BRINP3: variants seen among roughly 807,000 people sequenced by gnomAD.
BRINP3 encodes the protein BMP/retinoic acid inducible neural specific 3.
Under a neutral mutation model 71.0 loss-of-function variants are expected in BRINP3, and 19 were observed. That is an observed-to-expected ratio of 0.27 (90% CI 0.19 to 0.39). The LOEUF (loss-of-function observed/expected upper bound fraction) is 0.39, where lower values mean the gene tolerates loss of function less well. Ranked by LOEUF, BRINP3 falls within the 10% of genes least tolerant of loss-of-function variation. BRINP3 has a pLI of 1.00. For missense variants in BRINP3, 959 were observed against 940.8 expected, an observed-to-expected ratio of 1.02 and a Z score of -0.25; for synonymous variants, 380 against 337.7, an observed-to-expected ratio of 1.13 and a Z score of -1.37.
At chr1:190,464,185 A>G (rs369080557) in intron 1 of BRINP3, among the ~76,000 whole-genome samples, 3 of 151,942 alleles carry the variant, frequency 2.0e-5, no homozygotes, top group African/African-American at 4.8e-5. Flanking sequence ...ATAATCCTTA[A>G]AGAAAAATGG....
intron 6 of BRINP3, among the ~76,000 whole-genome samples, chr1:190,171,230 G>A (rs974906557): frequency 2.6e-5 from 4 of 152,118 alleles, no homozygotes; most frequent in Non-Finnish European, 5.9e-5. Context: ...CAGCATACAT[G>A]CACAAGCATA....
At chr1:190,351,128 T>C (rs537432750) in intron 2 of BRINP3, among the ~76,000 whole-genome samples, 2 of 152,118 alleles carry the variant, frequency 1.3e-5, no homozygotes, top group African/African-American at 4.8e-5. Flanking sequence ...TTTTGGTATT[T>C]TAGTTTTTCC....
chr1:190,351,674 G>C (rs1419130225), intron 2 of BRINP3, among the ~76,000 whole-genome samples: 1 of 151,928 alleles, frequency 6.6e-6, no homozygotes, highest in Non-Finnish European at 1.5e-5. Context: ...CAGAACTAAG[G>C]TTTCTATTAA....
At chr1:190,398,326 T>G (rs1004071467) in intron 2 of BRINP3, among the ~76,000 whole-genome samples, 1 of 151,988 alleles carries the variant, frequency 6.6e-6, no homozygotes, top group Non-Finnish European at 1.5e-5. Context: ...CATATCTGAT[T>G]AACAGGAAGC....
chr1:190,363,366 A>C (rs1182981), intron 2 of BRINP3, among the ~76,000 whole-genome samples: 114,459 of 152,048 alleles, frequency 0.75, 43,295 homozygotes, highest in Non-Finnish European at 0.79. Context: ...AACTCCTGAC[A>C]CGCAGAAATA....
intron 2 of BRINP3, among the ~76,000 whole-genome samples, chr1:190,384,128 A>T (rs985916116): frequency 6.6e-6 from 1 of 151,636 alleles, no homozygotes; most frequent in African/African-American, 2.4e-5. Flanking sequence ...TAATAATGAG[A>T]TAATATTGGC....
chr1:190,250,466 C>G (rs954953941), intron 4 of BRINP3, among the ~76,000 whole-genome samples: 1 of 151,886 alleles, frequency 6.6e-6, no homozygotes, highest in African/African-American at 2.4e-5. Flanking sequence ...TGCTGTAGTA[C>G]TTTTGGGTCT....
intron 2 of BRINP3, among the ~76,000 whole-genome samples, chr1:190,390,021 G>C (rs1248713896): frequency 1.3e-5 from 2 of 151,786 alleles, no homozygotes; most frequent in Non-Finnish European, 2.9e-5. Flanking sequence ...GTAAACTGAT[G>C]AGACTTTTCC....
intron 6 of BRINP3, among the ~76,000 whole-genome samples, chr1:190,198,545 A>T (rs758435594): frequency 1.8e-4 from 28 of 152,198 alleles, no homozygotes; most frequent in Admixed American, 8.5e-4. Context: ...TGCTGTTTAA[A>T]AACACACCAG....
intron 4 of BRINP3, among the ~76,000 whole-genome samples, chr1:190,244,785 TGTA>T (rs1341039119): frequency 6.6e-6 from 1 of 152,080 alleles, no homozygotes; most frequent in East Asian, 1.9e-4. Context: ...TCCTACTCAA[TGTA>T]GGAGCCAGTA....
intron 6 of BRINP3, among the ~76,000 whole-genome samples, chr1:190,197,524 C>T (rs1654597165): frequency 6.6e-6 from 1 of 152,184 alleles, no homozygotes; most frequent in African/African-American, 2.4e-5. Context: ...GTAAATACAG[C>T]CATTCCAAAT....
rs1312651292 is a variant in BRINP3 at position 190,219,415 on chromosome 1, T to TA, written c.961+6666dup. Among the ~76,000 whole-genome samples, 4 of 151,928 alleles carry TA rather than the reference T, an allele frequency of 2.6e-5. No homozygotes were observed. In the South Asian group the frequency reaches 6.2e-4, roughly 24 times the overall value. On this transcript the variant is annotated intron_variant, in intron 6 of 7. Coordinates refer to ENST00000367462, the MANE Select transcript of BRINP3 (RefSeq NM_199051.3). ...AAATTTAACAAAGATATTAAAATAA[T>TA]AAAAAATCAAACAGAAATCATGGAA...
At chr1:190,233,867 A>G (rs544282731) in intron 5 of BRINP3, among the ~76,000 whole-genome samples, 10 of 152,332 alleles carry the variant, frequency 6.6e-5, no homozygotes, top group South Asian at 2.1e-4. Context: ...TATAAAATCT[A>G]TCTTTAAAAT....
chr1:190,265,327 A>C (rs1269812055), intron 3 of BRINP3, among the ~76,000 whole-genome samples: 2 of 151,978 alleles, frequency 1.3e-5, no homozygotes, highest in African/African-American at 4.8e-5. Context: ...CTTTCTAACA[A>C]AGTTTAGCAT....
chr1:190,216,466 G>T (rs1346752078), intron 6 of BRINP3, among the ~76,000 whole-genome samples: 1 of 151,684 alleles, frequency 6.6e-6, no homozygotes, highest in East Asian at 1.9e-4. Context: ...GAGATAAATT[G>T]ATTTCTATAA....
intron 6 of BRINP3, among the ~76,000 whole-genome samples, chr1:190,205,510 G>T (rs1655419285): frequency 6.6e-6 from 1 of 152,026 alleles, no homozygotes; most frequent in Non-Finnish European, 1.5e-5. Flanking sequence ...TGGGAGTTGG[G>T]CAAAAGGTGC....
intron 2 of BRINP3, among the ~76,000 whole-genome samples, chr1:190,352,367 G>C (rs1210968726): frequency 6.6e-6 from 1 of 151,810 alleles, no homozygotes; most frequent in Non-Finnish European, 1.5e-5. Flanking sequence ...AAATGCGAAG[G>C]GTAAATACTA....
chr1:190,412,466 GTTTTTTTTT>G (rs1216884351), intron 2 of BRINP3, among the ~76,000 whole-genome samples: 13 of 105,984 alleles, frequency 1.2e-4, no homozygotes, highest in Admixed American at 3.9e-4. Flanking sequence ...GTTTTTTTTT[GTTTTTTTTT>G]TTTTTGAGAC....
intron 3 of BRINP3, among the ~76,000 whole-genome samples, chr1:190,267,567 T>C (rs533334646): frequency 5.3e-4 from 80 of 151,922 alleles, no homozygotes; most frequent in Admixed American, 1.3e-3. Flanking sequence ...TAAAAATAAA[T>C]ACAAAGGTAA....
Sources: allele counts gnomAD v4.1 joint callset (sites outside exome capture counted in the v4.1 genomes callset), GRCh38; gene constraint gnomAD v4.1.1; transcripts MANE v1.5; gene names NCBI Gene and HGNC (gene_info 2026-07-23, HGNC 2026-07-21).